NAV3: variants seen among roughly 807,000 people sequenced by gnomAD.
The protein encoded by NAV3 is neuron navigator 3.
NAV3 carries 87 observed loss-of-function variants against 244.7 expected under a neutral mutation model. The ratio of observed to expected loss-of-function variants is 0.36; its 90% CI spans 0.30 to 0.42. The LOEUF is 0.42. NAV3 is among the 20% of genes least tolerant of loss of function. The probability of loss-of-function intolerance (pLI) is 1.00; values close to 1 mark genes in which losing one functional copy is unlikely to be tolerated. For synonymous variants in NAV3, 1,126 were observed against 1,042.2 expected (o/e 1.08, Z -1.55); for missense variants, 2,663 against 2,893.3 (o/e 0.92, Z 1.83).
At chr12:77,838,177 T>C (rs1392345401) in intron 1 of NAV3, among the ~76,000 whole-genome samples, 1 of 152,248 alleles carries the variant, frequency 6.6e-6, no homozygotes, top group South Asian at 2.1e-4. Context: ...ACTCTCCAGG[T>C]TTCACAGTTA....
intron 1 of NAV3, among the ~76,000 whole-genome samples, chr12:77,909,343 C>T (rs1886337765): frequency 6.6e-6 from 1 of 151,886 alleles, no homozygotes; most frequent in East Asian, 1.9e-4. Flanking sequence ...CTTTGTCCAT[C>T]CGGGTAACAA....
chr12:78,073,802 T>C (rs1381612354), intron 12 of NAV3, among the ~76,000 whole-genome samples: 1 of 152,118 alleles, frequency 6.6e-6, no homozygotes. Context: ...ACTACAAGGC[T>C]ACAGTAACCA....
At position 78,137,078 on chromosome 12, in the gene NAV3, T is replaced by G; in HGVS notation, c.4442-99T>G. On this transcript the variant is annotated intron_variant, in intron 18 of 39. Coordinates refer to ENST00000397909, the MANE Select transcript of NAV3 (RefSeq NM_001024383.2). ...AATAGGGACTCACTATACATTCATG[T>G]TTTCATAAGTATTGGGATCATGTTC... The G allele has an allele frequency of 1.8e-6, 2 of 1,124,794 alleles. 1 individual carries two copies. The highest frequency in any genetic ancestry group is 3.4e-5 in the South Asian group (2 of 58,412). 69.7% of individuals were successfully genotyped at this position (1,124,794 alleles called of 1,614,324 possible).
At chr12:78,122,507 C>G (rs2138712547) in intron 16 of NAV3, 79 bp downstream of exon 16, 9 of 1,474,452 alleles carry the variant, frequency 6.1e-6, no homozygotes, top group Non-Finnish European at 8.1e-6. Flanking sequence ...ATTAAATTCC[C>G]TTGATTTCAC....
At chr12:77,651,734 A>G (rs1227998562) in intron 2 of NAV3, among the ~76,000 whole-genome samples, 1 of 152,218 alleles carries the variant, frequency 6.6e-6, no homozygotes, top group East Asian at 1.9e-4. Flanking sequence ...GTGACCATTC[A>G]TGGAAAAATT....
intron 1 of NAV3, among the ~76,000 whole-genome samples, chr12:77,915,534 A>C (rs1012093351): frequency 3.3e-5 from 5 of 151,990 alleles, no homozygotes; most frequent in Non-Finnish European, 7.4e-5. Context: ...AAGAAAAAAA[A>C]AGATCTTCTA....
intron 6 of NAV3, among the ~76,000 whole-genome samples, chr12:77,995,158 T>A (rs1291610990): frequency 6.6e-6 from 1 of 152,202 alleles, no homozygotes; most frequent in Non-Finnish European, 1.5e-5. Context: ...TTACTTTGAA[T>A]GCCCAATTCC....
intron 2 of NAV3, among the ~76,000 whole-genome samples, chr12:77,703,469 T>A (rs1379161237): frequency 6.6e-6 from 1 of 152,154 alleles, no homozygotes; most frequent in East Asian, 1.9e-4. Context: ...CTATTCTGAA[T>A]AAAGCTATTA....
intron 23 of NAV3, among the ~76,000 whole-genome samples, chr12:78,167,376 A>C (rs370294): frequency 6.6e-6 from 1 of 151,730 alleles, no homozygotes; most frequent in Non-Finnish European, 1.5e-5. Flanking sequence ...TAAGCTACTA[A>C]AAGTACATAA....
intron 6 of NAV3, among the ~76,000 whole-genome samples, chr12:77,996,958 C>G (rs1872444705): frequency 6.6e-6 from 1 of 151,968 alleles, no homozygotes; most frequent in Non-Finnish European, 1.5e-5. Context: ...AGTATTAGTT[C>G]TTGGCCAGAC....
At chr12:78,005,038 C>T (rs1031877348) in intron 7 of NAV3, among the ~76,000 whole-genome samples, 1 of 152,186 alleles carries the variant, frequency 6.6e-6, no homozygotes, top group African/African-American at 2.4e-5. Context: ...AGAGCACCTT[C>T]TCTTATGTCC....
chr12:77,999,111 G>A (rs1304915475), intron 7 of NAV3, among the ~76,000 whole-genome samples: 2 of 152,200 alleles, frequency 1.3e-5, no homozygotes, highest in African/African-American at 2.4e-5. Context: ...TGTGATGTAC[G>A]AAGTGGGCAT....
chr12:77,800,865 C>T (rs1871669743), intron 2 of NAV3, among the ~76,000 whole-genome samples: 1 of 151,900 alleles, frequency 6.6e-6, no homozygotes, highest in African/African-American at 2.4e-5. Flanking sequence ...TTAGATTTTT[C>T]TTTACTTTCA....
intron 1 of NAV3, among the ~76,000 whole-genome samples, chr12:77,926,456 A>T (rs1888228568): frequency 2.6e-5 from 4 of 151,476 alleles, no homozygotes; most frequent in Admixed American, 2.6e-4. Flanking sequence ...AAGGGAAGAT[A>T]TAGATAGATA....
intron 2 of NAV3, among the ~76,000 whole-genome samples, chr12:77,600,236 G>T (rs1407142084): frequency 6.6e-6 from 1 of 151,910 alleles, no homozygotes; most frequent in Non-Finnish European, 1.5e-5. Flanking sequence ...GGCAGAATTG[G>T]TACAGCATAT....
At chr12:77,963,588 A>G (rs1565964880) in intron 3 of NAV3, among the ~76,000 whole-genome samples, 1 of 152,194 alleles carries the variant, frequency 6.6e-6, no homozygotes, top group Non-Finnish European at 1.5e-5. Context: ...TGTTGAATAA[A>G]TAAATGCACT....
In NAV3 at chr12:77,591,034, C is replaced by T. The variant is rs184909335; in HGVS notation, c.72+18768C>T. Among the ~76,000 whole-genome samples, 233 of 152,284 alleles carry T rather than the reference C, an allele frequency of 1.5e-3. 2 individuals carry two copies. The highest frequency in any genetic ancestry group is 1.8e-3 in the Non-Finnish European group (122 of 68,014). On this transcript the variant is annotated intron_variant, in intron 2 of 8. Transcript: ENST00000550042. ...AAATACAGTTTTCAGACAGACAACT[C>T]GTCTTCTCACCAAATTAGTTTCCCT...
chr12:78,070,248 C>T (rs1037543007), intron 12 of NAV3, among the ~76,000 whole-genome samples: 38 of 152,062 alleles, frequency 2.5e-4, no homozygotes, highest in African/African-American at 8.0e-4. Flanking sequence ...TTCACATGTG[C>T]GAATTAATTT....
intron 1 of NAV3, among the ~76,000 whole-genome samples, chr12:77,938,738 A>G (rs1174251270): frequency 6.6e-6 from 1 of 152,128 alleles, no homozygotes; most frequent in Non-Finnish European, 1.5e-5. Flanking sequence ...GCAACTTTAG[A>G]TATAATAGAA....
Sources: allele counts gnomAD v4.1 joint callset (sites outside exome capture counted in the v4.1 genomes callset), GRCh38; gene constraint gnomAD v4.1.1; transcripts MANE v1.5; gene names NCBI Gene and HGNC (gene_info 2026-07-23, HGNC 2026-07-21).